The following RASAL2 variants were observed in gnomAD, a reference collection of about 807,000 sequenced individuals.
RASAL2 encodes the protein RAS protein activator like 2.
In RASAL2, 58 loss-of-function variants were observed where a neutral mutation model predicts 128.9. The ratio of observed to expected loss-of-function variants is 0.45; its 90% CI spans 0.36 to 0.56. The LOEUF (loss-of-function observed/expected upper bound fraction) is 0.56. Among genes scored for constraint, RASAL2 ranks in the 20% least tolerant of loss-of-function variants. The pLI is 0.00. For synonymous variants in RASAL2, 561 were observed against 580.8 expected, an observed-to-expected ratio of 0.97 and a Z score of 0.49; for missense variants, 1,360 against 1,601.6, an observed-to-expected ratio of 0.85 and a Z score of 2.57.
chr1:178,157,985 C>T (rs1661141125), intron 1 of RASAL2, among the ~76,000 whole-genome samples: 1 of 152,150 alleles, frequency 6.6e-6, no homozygotes, highest in African/African-American at 2.4e-5. Flanking sequence ...TCTTCATCTT[C>T]TATTGATTAT....
In RASAL2 at chr1:178,094,152, C is replaced by T. The variant is rs1658570158; in HGVS notation, c.-341C>T. On this transcript the variant is annotated 5_prime_UTR_variant, in exon 1 of 18. Transcript: ENST00000367649. ...ACGCCGGCGGGGCTGAAGAAGGCGG[C>T]TCCGAGGAGGTGGGAGGGCGAGCCT... 3.1e-6 allele frequency: 1 copy of T among 321,882 alleles called. No homozygotes were observed. Among genetic ancestry groups the T allele is most frequent in the Non-Finnish European group, 5.7e-6 (1 of 176,300 alleles). 19.9% of individuals were successfully genotyped at this position (321,882 alleles called of 1,614,324 possible). A position where few individuals can be genotyped will look rare whatever the true frequency, so the allele number is the denominator to read the frequency against.
intron 3 of RASAL2, among the ~76,000 whole-genome samples, chr1:178,334,642 C>T (rs1306303370): frequency 6.6e-6 from 1 of 152,252 alleles, no homozygotes; most frequent in African/African-American, 2.4e-5. Flanking sequence ...TGCACCCGGC[C>T]ACAACTTTTA....
chr1:178,116,840 G>T (rs2102262630), intron 1 of RASAL2, among the ~76,000 whole-genome samples: 1 of 152,178 alleles, frequency 6.6e-6, no homozygotes, highest in African/African-American at 2.4e-5. Context: ...TTGATCTCCT[G>T]ACCTCGTGAT....
intron 1 of RASAL2, chr1:178,123,586 TAGAGCTCTTCC>T (rs1659789634): frequency 6.6e-6 from 1 of 152,256 alleles, no homozygotes; most frequent in Non-Finnish European, 1.5e-5. Context: ...TCCTCTCTCC[TAGAGCTCTTCC>T]AGATGTCAGG....
In RASAL2 at chr1:178,475,665, CA is replaced by C. The variant is rs1426882585; in HGVS notation, c.*2429del. 6.6e-6 allele frequency: 1 copy of C among 152,168 alleles called. No homozygotes were observed. The highest frequency in any genetic ancestry group is 1.5e-5 in the Non-Finnish European group (1 of 68,030). 9.4% of individuals were successfully genotyped at this position (152,168 alleles called of 1,614,324 possible). A position where few individuals can be genotyped will look rare whatever the true frequency, so the allele number is the denominator to read the frequency against. On this transcript the variant is annotated 3_prime_UTR_variant, in exon 18 of 18. Transcript: ENST00000367649. ...GGAATTGAGAGAAGCCCCAAAAAAT[CA>C]AATGTGCTTTTGATGGATAGAGTGT...
At chr1:178,300,570 C>T (rs1198054043) in intron 3 of RASAL2, among the ~76,000 whole-genome samples, 3 of 152,152 alleles carry the variant, frequency 2.0e-5, no homozygotes, top group Non-Finnish European at 4.4e-5. Context: ...CTAAGTTAAT[C>T]TTGCATGTCT....
chr1:178,445,908 G>C (rs768241586), intron 9 of RASAL2, among the ~76,000 whole-genome samples: 1 of 152,112 alleles, frequency 6.6e-6, no homozygotes, highest in African/African-American at 2.4e-5. Context: ...CATGATTCCA[G>C]GATGCACAGT....
intron 2 of RASAL2, among the ~76,000 whole-genome samples, chr1:178,287,480 C>T (rs113473954): frequency 3.9e-5 from 6 of 151,920 alleles, no homozygotes; most frequent in African/African-American, 1.5e-4. Flanking sequence ...AATCCTACTC[C>T]TGGCTATCTA....
chr1:178,289,483 T>TTC (rs1418671913), intron 2 of RASAL2, among the ~76,000 whole-genome samples: 28 of 152,008 alleles, frequency 1.8e-4, no homozygotes, highest in African/African-American at 6.8e-4. Flanking sequence ...CATATCACTG[T>TTC]TCTCTCTCTC....
chr1:178,378,505 A>G (rs1341820867), intron 3 of RASAL2, among the ~76,000 whole-genome samples: 1 of 152,160 alleles, frequency 6.6e-6, no homozygotes, highest in East Asian at 1.9e-4. Context: ...CTTCTCAAGC[A>G]CATACAGAAT....
chr1:178,297,774 A>G (rs1053662842), intron 2 of RASAL2, among the ~76,000 whole-genome samples: 7 of 152,172 alleles, frequency 4.6e-5, no homozygotes, highest in Non-Finnish European at 8.8e-5. Flanking sequence ...TAAAGAGTCT[A>G]CATTAAAACT....
chr1:178,441,490 A>G (rs1280451989), intron 6 of RASAL2, 59 bp from the exon 7 acceptor site: 1 of 1,267,470 alleles, frequency 7.9e-7, no homozygotes, highest in African/African-American at 1.5e-5. Context: ...GTGAACCCTA[A>G]TGACAGAGCC....
intron 4 of RASAL2, chr1:178,411,677 CTT>C: frequency 1.2e-6 from 1 of 821,948 alleles, no homozygotes; most frequent in Middle Eastern, 2.2e-4. Context: ...TTCAGTGACA[CTT>C]TTGTCCATGT....
chr1:178,166,696 A>G (rs1207068749), intron 1 of RASAL2, among the ~76,000 whole-genome samples: 2 of 152,118 alleles, frequency 1.3e-5, no homozygotes, highest in East Asian at 3.9e-4. Flanking sequence ...AACCACCACA[A>G]TTAAATAAGA....
At chr1:178,095,405 C>G (rs1571463385) in intron 1 of RASAL2, among the ~76,000 whole-genome samples, 1 of 146,672 alleles carries the variant, frequency 6.8e-6, no homozygotes, top group Non-Finnish European at 1.5e-5. Context: ...AGCACTAAAA[C>G]CATGCTGGTT....
In RASAL2 at chr1:178,133,994, A is replaced by G. The variant is rs148042908; in HGVS notation, c.202+39300A>G. On this transcript the variant is annotated intron_variant, in intron 1 of 17. Coordinates refer to ENST00000367649, the MANE Select transcript of RASAL2 (RefSeq NM_170692.4). ...TGCAAACAATGTGAGAAATTTAATAATTGAGAGATACTTAAATTTTTTATC... is the reference window on the plus strand; with the variant it reads ...TGCAAACAATGTGAGAAATTTAATAGTTGAGAGATACTTAAATTTTTTATC... Among the ~76,000 whole-genome samples, 256 of 152,332 alleles carry G rather than the reference A, an allele frequency of 1.7e-3. 2 individuals carry two copies. The highest frequency in any genetic ancestry group is 6.0e-3 in the African/African-American group (248 of 41,578).
At chr1:178,373,434 G>C (rs567857288) in intron 3 of RASAL2, among the ~76,000 whole-genome samples, 1 of 151,458 alleles carries the variant, frequency 6.6e-6, no homozygotes, top group Non-Finnish European at 1.5e-5. Context: ...TTAAGCCTTC[G>C]TTTCTCTGAA....
chr1:178,100,127 A>G (rs1658837229), intron 1 of RASAL2, among the ~76,000 whole-genome samples: 1 of 152,190 alleles, frequency 6.6e-6, no homozygotes, highest in Admixed American at 6.5e-5. Context: ...AAATCTTCAG[A>G]CATAAATAAT....
chr1:178,363,183 GT>G (rs1184368294), intron 3 of RASAL2, among the ~76,000 whole-genome samples: 2 of 151,910 alleles, frequency 1.3e-5, no homozygotes, highest in Non-Finnish European at 2.9e-5. Flanking sequence ...GTTATCTCTT[GT>G]TTTTTTGATA....
Sources: allele counts gnomAD v4.1 joint callset (sites outside exome capture counted in the v4.1 genomes callset), GRCh38; gene constraint gnomAD v4.1.1; transcripts MANE v1.5; gene names NCBI Gene and HGNC (gene_info 2026-07-23, HGNC 2026-07-21).